Variants in KLHDC4 observed in about 807,000 individuals in gnomAD.
KLHDC4 encodes kelch domain containing 4.
In KLHDC4, 90 loss-of-function variants were observed where a neutral mutation model predicts 62.4. That is an observed-to-expected ratio of 1.44 (90% CI 1.22 to 1.72). The LOEUF is 1.72. Among genes scored for constraint, KLHDC4 ranks in the 40% most tolerant of loss-of-function variants. KLHDC4 has a pLI of 0.00. For missense variants in KLHDC4, 1,025 were observed against 699.7 expected, an observed-to-expected ratio of 1.47 and a Z score of -5.25; for synonymous variants, 386 against 284.4, an observed-to-expected ratio of 1.36 and a Z score of -3.59.
intron 6 of KLHDC4, among the ~76,000 whole-genome samples, chr16:87,727,433 C>A (rs528004552): frequency 1.4e-4 from 22 of 152,310 alleles, no homozygotes; most frequent in South Asian, 6.2e-4. Flanking sequence ...AGCCTGGCAG[C>A]AAGGGTGGTA....
At chr16:87,753,898 G>A (rs973003762) in intron 4 of KLHDC4, among the ~76,000 whole-genome samples, 8 of 150,804 alleles carry the variant, frequency 5.3e-5, no homozygotes, top group South Asian at 2.1e-4. Flanking sequence ...GCTTGAACCC[G>A]GCAGGCGGAG....
chr16:87,731,551 T>C (rs4843689), intron 5 of KLHDC4, among the ~76,000 whole-genome samples: 18,144 of 151,772 alleles, frequency 0.12, 1,671 homozygotes, highest in African/African-American at 0.25. Context: ...CCACAGTGAC[T>C]TCCTACCACA....
intron 4 of KLHDC4, among the ~76,000 whole-genome samples, chr16:87,749,716 T>C (rs1039745769): frequency 1.3e-5 from 2 of 152,274 alleles, no homozygotes; most frequent in Non-Finnish European, 1.5e-5. Context: ...CCTGAGTAGC[T>C]TGGACGACAG....
intron 7 of KLHDC4, among the ~76,000 whole-genome samples, chr16:87,716,493 T>C (rs2037021117): frequency 6.6e-6 from 1 of 152,156 alleles, no homozygotes; most frequent in African/African-American, 2.4e-5. Flanking sequence ...ACTTGCACCA[T>C]CTTTGTGGGT....
At chr16:87,721,347 G>C (rs1211048619) in intron 7 of KLHDC4, among the ~76,000 whole-genome samples, 1 of 150,880 alleles carries the variant, frequency 6.6e-6, no homozygotes, top group Non-Finnish European at 1.5e-5. Context: ...CCGGTGGGTG[G>C]AGCTTGCAGT....
At chr16:87,749,090 A>T (rs113421664) in intron 4 of KLHDC4, among the ~76,000 whole-genome samples, 1 of 151,658 alleles carries the variant, frequency 6.6e-6, no homozygotes, top group Admixed American at 6.6e-5. Context: ...ATATCCCATT[A>T]AAGTGGACAC....
At chr16:87,755,466 C>A in intron 3 of KLHDC4, 174 bp from the exon 4 acceptor site, 9 of 469,906 alleles carry the variant, frequency 1.9e-5, no homozygotes, top group Admixed American at 7.1e-5. Context: ...GATGACGACA[C>A]AATGAAAACG....
intron 4 of KLHDC4, among the ~76,000 whole-genome samples, chr16:87,750,610 G>C (rs576411097): frequency 2.6e-5 from 4 of 152,356 alleles, no homozygotes; most frequent in Admixed American, 6.5e-5. Context: ...GTAAATGAGA[G>C]TGCCAACCCG....
At chr16:87,763,785 G>A (rs1368122876) in intron 1 of KLHDC4, among the ~76,000 whole-genome samples, 1 of 152,098 alleles carries the variant, frequency 6.6e-6, no homozygotes, top group East Asian at 1.9e-4. Context: ...ATCATCATTG[G>A]GTGACTGAAG....
chr16:87,709,826 G>A, intron 9 of KLHDC4, 159 bp from the exon 10 acceptor site: 1 of 803,660 alleles, frequency 1.2e-6, no homozygotes, highest in Non-Finnish European at 1.9e-6. Context: ...CTGGGTGCAG[G>A]CACTGGGCTG....
At chr16:87,764,316 G>A (rs908735357) in intron 1 of KLHDC4, among the ~76,000 whole-genome samples, 1 of 152,100 alleles carries the variant, frequency 6.6e-6, no homozygotes, top group African/African-American at 2.4e-5. Context: ...AATCACCTTA[G>A]TATTGGGTAC....
In KLHDC4 at chr16:87,762,027, G is replaced by A. The variant is rs143424147; in HGVS notation, c.113C>T (p.Ala38Val). 440 of 1,613,752 alleles carry A rather than the reference G, an allele frequency of 2.7e-4. 5 individuals are homozygous for A. Among genetic ancestry groups the A allele is most frequent in the South Asian group, 2.2e-3 (201 of 91,036 alleles). ...GAGTGTCTGGAAATGGGCTATGAGC[G>A]CTTCCAGGTCTTCCTAGGGCAAGCA... ...RSRKEEEDLE[A>V]LIAHFQTLDA... is the part of the protein sequence containing the mutation. Residue 38 changes from alanine (A) to valine (V), a missense_variant, in exon 2 of 12, where the codon GCG (alanine) becomes GTG (valine). Ala to Val is a moderately conservative substitution (Grantham distance 64). Coordinates refer to ENST00000270583, the MANE Select transcript of KLHDC4 (RefSeq NM_017566.4).
At chr16:87,720,004 C>T (rs1397833110) in intron 7 of KLHDC4, among the ~76,000 whole-genome samples, 6 of 152,198 alleles carry the variant, frequency 3.9e-5, no homozygotes, top group South Asian at 2.1e-4. Flanking sequence ...CCTGATGAGA[C>T]CCCACCTCCC....
intron 7 of KLHDC4, among the ~76,000 whole-genome samples, chr16:87,714,821 C>A (rs1054494444): frequency 1.4e-4 from 22 of 152,184 alleles, no homozygotes; most frequent in African/African-American, 5.3e-4. Flanking sequence ...CACTAGAGTT[C>A]CTGTCGGGGC....
chr16:87,737,819 G>A (rs1055086544), intron 5 of KLHDC4, among the ~76,000 whole-genome samples: 5 of 152,002 alleles, frequency 3.3e-5, no homozygotes, highest in African/African-American at 4.8e-5. Flanking sequence ...TTGAACTCCT[G>A]ACCTCAGGTG....
intron 7 of KLHDC4, among the ~76,000 whole-genome samples, chr16:87,723,984 G>A (rs746505918): frequency 2.0e-5 from 3 of 152,210 alleles, no homozygotes; most frequent in Middle Eastern, 3.4e-3. Flanking sequence ...TTACAGGCAC[G>A]CCCCACCACG....
intron 5 of KLHDC4, among the ~76,000 whole-genome samples, chr16:87,734,972 C>A (rs1409349677): frequency 1.7e-5 from 1 of 59,250 alleles, no homozygotes; most frequent in Non-Finnish European, 4.0e-5. Context: ...TGCCTGACGC[C>A]CCTCCCCCTC....
At chr16:87,746,201 T>C (rs754866560) in intron 5 of KLHDC4, among the ~76,000 whole-genome samples, 8 of 151,960 alleles carry the variant, frequency 5.3e-5, no homozygotes, top group Non-Finnish European at 1.2e-4. Flanking sequence ...GCCCAGGAGT[T>C]TGAGGCTGCA....
intron 4 of KLHDC4, among the ~76,000 whole-genome samples, chr16:87,754,171 A>G (rs931222911): frequency 6.6e-6 from 1 of 151,910 alleles, no homozygotes; most frequent in Non-Finnish European, 1.5e-5. Flanking sequence ...CAAATGTAGA[A>G]GGCACCTTAG....
Sources: gnomAD v4.1 joint callset for allele counts (sites outside exome capture counted in the v4.1 genomes callset) on GRCh38, gnomAD v4.1.1 for gene constraint, MANE v1.5 for transcripts, NCBI Gene and HGNC (gene_info 2026-07-23, HGNC 2026-07-21) for gene names.